CNTNAP4: variants seen among roughly 807,000 people sequenced by gnomAD.
The protein encoded by CNTNAP4 is contactin-associated protein-like 4.
CNTNAP4 carries 98 observed loss-of-function variants against 148.4 expected under a neutral mutation model. That is an observed-to-expected ratio of 0.66 (90% CI 0.56 to 0.78). CNTNAP4 has a LOEUF of 0.78. Among genes scored for constraint, CNTNAP4 ranks in the 30% least tolerant of loss-of-function variants. The pLI is 0.00. For synonymous variants in CNTNAP4, 730 were observed against 565.1 expected, an observed-to-expected ratio of 1.29 and a Z score of -4.14; for missense variants, 1,935 against 1,565.6, an observed-to-expected ratio of 1.24 and a Z score of -3.98.
chr16:76,361,365 G>A (rs181295372), intron 3 of CNTNAP4, among the ~76,000 whole-genome samples: 43 of 152,188 alleles, frequency 2.8e-4, no homozygotes, highest in African/African-American at 1.0e-3. Flanking sequence ...GACTATTTTA[G>A]ATACATGTAC....
At chr16:76,451,864 A>G (rs2080495549) in intron 7 of CNTNAP4, among the ~76,000 whole-genome samples, 1 of 152,164 alleles carries the variant, frequency 6.6e-6, no homozygotes, top group Non-Finnish European at 1.5e-5. Flanking sequence ...TATATTTCAA[A>G]ATAGCTACAA....
At chr16:76,537,842 C>T (rs1157409421) in intron 18 of CNTNAP4, among the ~76,000 whole-genome samples, 3 of 152,034 alleles carry the variant, frequency 2.0e-5, no homozygotes, top group Admixed American at 2.0e-4. Context: ...AGATAGAAGA[C>T]AAGCCTGGTT....
intron 14 of CNTNAP4, 31 bp from the exon 15 acceptor site, chr16:76,498,536 T>C (rs1198416563): frequency 1.3e-6 from 2 of 1,594,200 alleles, no homozygotes; most frequent in Non-Finnish European, 1.7e-6. Context: ...TAAAAGTTCT[T>C]AAGAATTTTG....
At chr16:76,342,897 C>T (rs1383542784) in intron 2 of CNTNAP4, among the ~76,000 whole-genome samples, 1 of 152,122 alleles carries the variant, frequency 6.6e-6, no homozygotes, top group African/African-American at 2.4e-5. Context: ...AATAGATTCT[C>T]CATTTTGCTT....
rs577669166 is a variant in CNTNAP4, at chr16:76,490,138, A to G, written c.2080+255A>G. Among the ~76,000 whole-genome samples, 174 of 152,358 alleles carry G rather than the reference A, an allele frequency of 1.1e-3. 1 individual carries two copies. The South Asian group carries it at 0.035, about 31-fold the overall frequency. ...AAACTCTCTTCCTGGCATTAATTGG[A>G]TAACTGTACAGCAAAGGCCTCCTTC... On this transcript the variant is annotated intron_variant, in intron 13 of 23. Transcript: ENST00000611870.
intron 12 of CNTNAP4, among the ~76,000 whole-genome samples, chr16:76,486,932 A>T (rs2082050217): frequency 6.6e-6 from 1 of 152,156 alleles, no homozygotes; most frequent in African/African-American, 2.4e-5. Flanking sequence ...TGCTGATTAG[A>T]TTCTCTATGA....
At chr16:76,386,327 T>C (rs369468921) in intron 3 of CNTNAP4, among the ~76,000 whole-genome samples, 1 of 152,170 alleles carries the variant, frequency 6.6e-6, no homozygotes, top group Non-Finnish European at 1.5e-5. Flanking sequence ...AATAGTAAAA[T>C]GAGCAATTTT....
intron 23 of CNTNAP4, among the ~76,000 whole-genome samples, chr16:76,554,368 C>G (rs980329050): frequency 6.6e-6 from 1 of 152,118 alleles, no homozygotes; most frequent in African/African-American, 2.4e-5. Flanking sequence ...AATAAAGATG[C>G]TATTTGCATA....
In CNTNAP4 at chr16:76,327,894, C is replaced by A. The variant is rs139456347; in HGVS notation, c.196+11371C>A. Among the ~76,000 whole-genome samples, 810 of 150,396 alleles carry A rather than the reference C, an allele frequency of 5.4e-3. 7 individuals are homozygous for A. Among genetic ancestry groups the A allele is most frequent in the African/African-American group, 0.019 (766 of 40,602 alleles). On this transcript the variant is annotated intron_variant, in intron 2 of 23. Coordinates refer to ENST00000611870, the MANE Select transcript of CNTNAP4 (RefSeq NM_033401.5). ...CTTGTAGTTTCATCCAAGTCAATAA[C>A]ACATTTCCTTTGGCCTTCCGTCATT...
chr16:76,425,260 G>C (rs2079345085), intron 3 of CNTNAP4, among the ~76,000 whole-genome samples: 1 of 152,148 alleles, frequency 6.6e-6, no homozygotes, highest in African/African-American at 2.4e-5. Context: ...GATGCGCTAG[G>C]TAAGTGTCCC....
Position 76,495,163 on chromosome 16 carries a change from T to A in CNTNAP4, c.2237+97T>A, listed in dbSNP as rs575764538. ...GCTAGCCAGATACTGAACAAGTTAG[T>A]GCAATGAAGTAATTAAATAAAGGTT... On this transcript the variant is annotated intron_variant, in intron 14 of 23. Transcript: ENST00000611870. The A allele has an allele frequency of 1.3e-4, 161 of 1,238,024 alleles. 2 individuals carry two copies. The South Asian group carries it at 2.2e-3, about 17-fold the overall frequency. 76.7% of individuals were successfully genotyped at this position (1,238,024 alleles called of 1,614,324 possible). A position where few individuals can be genotyped will look rare whatever the true frequency, so the allele number is the denominator to read the frequency against.
At chr16:76,548,516 G>T (rs776151060) in intron 21 of CNTNAP4, among the ~76,000 whole-genome samples, 1 of 151,538 alleles carries the variant, frequency 6.6e-6, no homozygotes, top group Non-Finnish European at 1.5e-5. Flanking sequence ...TCGTTTCTCT[G>T]TAATAGAAGG....
intron 12 of CNTNAP4, among the ~76,000 whole-genome samples, chr16:76,481,662 A>T (rs956481342): frequency 1.3e-5 from 2 of 152,208 alleles, no homozygotes; most frequent in African/African-American, 4.8e-5. Context: ...TTAGAAGTCA[A>T]TATTTTATGG....
intron 10 of CNTNAP4, among the ~76,000 whole-genome samples, chr16:76,472,150 T>C (rs2081399809): frequency 6.6e-6 from 1 of 151,952 alleles, no homozygotes; most frequent in South Asian, 2.1e-4. Context: ...AATTGTCTTA[T>C]CTTGTATTGG....
At chr16:76,329,426 G>A (rs1430871536) in intron 2 of CNTNAP4, among the ~76,000 whole-genome samples, 1 of 152,126 alleles carries the variant, frequency 6.6e-6, no homozygotes, top group East Asian at 1.9e-4. Flanking sequence ...ACTATTTATA[G>A]TTTTATAATT....
intron 12 of CNTNAP4, among the ~76,000 whole-genome samples, chr16:76,486,539 CT>C (rs1303975456): frequency 3.9e-5 from 6 of 151,926 alleles, no homozygotes; most frequent in Non-Finnish European, 7.4e-5. Flanking sequence ...GAAACAGTGC[CT>C]GTATTTCTAG....
At chr16:76,476,506 C>T (rs889909734) in intron 11 of CNTNAP4, among the ~76,000 whole-genome samples, 4 of 152,070 alleles carry the variant, frequency 2.6e-5, no homozygotes, top group Non-Finnish European at 4.4e-5. Context: ...AGACTAGATG[C>T]CATAGTCTGT....
chr16:76,343,554 C>T (rs994466761), intron 2 of CNTNAP4, among the ~76,000 whole-genome samples: 3 of 152,004 alleles, frequency 2.0e-5, no homozygotes, highest in African/African-American at 4.8e-5. Flanking sequence ...TTTTAAATCT[C>T]GGGTTAGGAG....
At chr16:76,382,060 C>CA (rs67028367) in intron 3 of CNTNAP4, among the ~76,000 whole-genome samples, 2,038 of 53,300 alleles carry the variant, frequency 0.038, 223 homozygotes, top group African/African-American at 0.075. Context: ...GACTCCGTCT[C>CA]AAAAAAAAAA....
Sources: gnomAD v4.1 joint callset for allele counts (sites outside exome capture counted in the v4.1 genomes callset) on GRCh38, gnomAD v4.1.1 for gene constraint, MANE v1.5 for transcripts, NCBI Gene and HGNC (gene_info 2026-07-23, HGNC 2026-07-21) for gene names.